The following LURAP1L variants were observed in gnomAD, a reference collection of about 807,000 sequenced individuals.
LURAP1L encodes leucine rich adaptor protein 1 like.
In LURAP1L, 12 loss-of-function variants were observed where a neutral mutation model predicts 13.8. The observed-to-expected ratio is 0.87, with a 90% confidence interval of 0.56 to 1.41. The LOEUF is 1.41. LURAP1L is among the 40% of genes most tolerant of loss of function. LURAP1L has a pLI of 0.00. For missense variants in LURAP1L, 375 were observed against 292.9 expected, an observed-to-expected ratio of 1.28 and a Z score of -2.04; for synonymous variants, 139 against 119.2, an observed-to-expected ratio of 1.17 and a Z score of -1.08.
intron 1 of LURAP1L, among the ~76,000 whole-genome samples, chr9:12,793,048 G>A (rs753820661): frequency 2.0e-5 from 3 of 151,940 alleles, no homozygotes; most frequent in Non-Finnish European, 4.4e-5. Context: ...TAAGAAGGAC[G>A]ATTTTGGTAG....
At chr9:12,808,987 T>G (rs1186012338) in intron 1 of LURAP1L, among the ~76,000 whole-genome samples, 2 of 152,146 alleles carry the variant, frequency 1.3e-5, no homozygotes, top group African/African-American at 4.8e-5. Context: ...CTACTTCTGG[T>G]TAGGTCCTCA....
At chr9:12,804,102 AT>A (rs559546316) in intron 1 of LURAP1L, among the ~76,000 whole-genome samples, 1 of 152,060 alleles carries the variant, frequency 6.6e-6, no homozygotes, top group African/African-American at 2.4e-5. Flanking sequence ...TCAGTGTATG[AT>A]TTTTTTCCTG....
At chr9:12,819,134 C>G (rs1330455977) in intron 1 of LURAP1L, among the ~76,000 whole-genome samples, 1 of 152,144 alleles carries the variant, frequency 6.6e-6, no homozygotes, top group African/African-American at 2.4e-5. Flanking sequence ...AGAGGGGCTT[C>G]TCAAGGCTAA....
At chr9:12,795,234 A>G (rs1819497229) in intron 1 of LURAP1L, among the ~76,000 whole-genome samples, 1 of 151,906 alleles carries the variant, frequency 6.6e-6, no homozygotes, top group Admixed American at 6.6e-5. Flanking sequence ...CACTTTTTGT[A>G]GTTAACTCTA....
intron 1 of LURAP1L, among the ~76,000 whole-genome samples, chr9:12,800,261 T>C (rs933054954): frequency 4.6e-5 from 7 of 152,346 alleles, no homozygotes; most frequent in African/African-American, 1.7e-4. Flanking sequence ...TGTTATCTTA[T>C]TCAGTTTTCC....
intron 1 of LURAP1L, among the ~76,000 whole-genome samples, chr9:12,786,647 C>T (rs1819360474): frequency 7.2e-6 from 1 of 139,608 alleles, no homozygotes; most frequent in African/African-American, 2.7e-5. Flanking sequence ...TAAAAATCTT[C>T]TTAAATTTGC....
At position 12,786,042 on chromosome 9, in the gene LURAP1L, T is replaced by G. The variant is rs372686912; in HGVS notation, c.312+10015T>G. On this transcript the variant is annotated intron_variant, in intron 1 of 1. Transcript: ENST00000319264. ...ATATGTTTGGATATCATTTTTCTTA[T>G]TTTACATAATATTTTTTATATTACC... 3.8e-4 allele frequency among the ~76,000 whole-genome samples: 58 copies of G among 152,302 alleles called. No homozygotes were observed. The East Asian group carries it at 5.2e-3, about 14-fold the overall frequency.
chr9:12,801,369 G>C (rs937912617), intron 1 of LURAP1L, among the ~76,000 whole-genome samples: 4 of 151,860 alleles, frequency 2.6e-5, no homozygotes, highest in African/African-American at 9.7e-5. Context: ...AGTTGTGAAT[G>C]AGGAATTAGA....
intron 1 of LURAP1L, among the ~76,000 whole-genome samples, chr9:12,796,363 G>A (rs1311555642): frequency 1.3e-5 from 2 of 151,868 alleles, no homozygotes; most frequent in African/African-American, 4.8e-5. Context: ...TTTATCTTCT[G>A]TAATTTTTTG....
intron 1 of LURAP1L, among the ~76,000 whole-genome samples, chr9:12,803,276 C>A (rs551348869): frequency 6.6e-6 from 1 of 152,130 alleles, no homozygotes; most frequent in Non-Finnish European, 1.5e-5. Context: ...TATCAGAGAA[C>A]CAAGACATTT....
At chr9:12,807,896 C>A (rs1586884956) in intron 1 of LURAP1L, among the ~76,000 whole-genome samples, 2 of 151,618 alleles carry the variant, frequency 1.3e-5, no homozygotes, top group African/African-American at 2.4e-5. Context: ...TAGTGGTTGC[C>A]CTAGAGTTTT....
chr9:12,779,249 C>T (rs752799715), intron 1 of LURAP1L, among the ~76,000 whole-genome samples: 2 of 149,094 alleles, frequency 1.3e-5, no homozygotes, highest in South Asian at 2.1e-4. Context: ...TGTATTATCC[C>T]GTTGAAATCT....
chr9:12,813,190 T>C (rs755774642), intron 1 of LURAP1L, among the ~76,000 whole-genome samples: 13 of 152,170 alleles, frequency 8.5e-5, no homozygotes, highest in Non-Finnish European at 1.6e-4. Context: ...TTTTGTTAAA[T>C]TTTCAGGAGT....
At chr9:12,793,780 G>A (rs1399098281) in intron 1 of LURAP1L, among the ~76,000 whole-genome samples, 1 of 151,990 alleles carries the variant, frequency 6.6e-6, no homozygotes, top group Non-Finnish European at 1.5e-5. Context: ...GCTTTACTTA[G>A]TACCAAAGAC....
intron 1 of LURAP1L, among the ~76,000 whole-genome samples, chr9:12,802,307 G>A (rs538480304): frequency 6.6e-6 from 1 of 152,238 alleles, no homozygotes; most frequent in Admixed American, 6.5e-5. Flanking sequence ...CCCCAGTGGT[G>A]GAGGTTGGGC....
intron 1 of LURAP1L, chr9:12,777,540 T>A (rs1422724122): frequency 2.1e-6 from 2 of 975,452 alleles, no homozygotes; most frequent in Non-Finnish European, 2.4e-6. Context: ...AATGTTAATA[T>A]ATTCACTTAA....
chr9:12,816,853 G>A (rs1208909584), intron 1 of LURAP1L, among the ~76,000 whole-genome samples: 3 of 152,178 alleles, frequency 2.0e-5, no homozygotes, highest in African/African-American at 7.2e-5. Context: ...GAGGAAAAGA[G>A]GAAAGGACAT....
chr9:12,787,345 T>C (rs1819371439), intron 1 of LURAP1L, among the ~76,000 whole-genome samples: 1 of 152,190 alleles, frequency 6.6e-6, no homozygotes, highest in African/African-American at 2.4e-5. Context: ...TATATATGTA[T>C]ATGTATATAT....
intron 1 of LURAP1L, among the ~76,000 whole-genome samples, chr9:12,798,152 T>A (rs1254751685): frequency 6.6e-6 from 1 of 152,174 alleles, no homozygotes; most frequent in Non-Finnish European, 1.5e-5. Context: ...AGGTAAAATT[T>A]TAAGTGTAAT....
Sources: allele counts gnomAD v4.1 joint callset (sites outside exome capture counted in the v4.1 genomes callset), GRCh38; gene constraint gnomAD v4.1.1; transcripts MANE v1.5; gene names NCBI Gene and HGNC (gene_info 2026-07-23, HGNC 2026-07-21).